Variants in RPH3A observed in about 807,000 individuals in gnomAD.
RPH3A encodes the protein rabphilin 3A, also known as rabphilin-3A.
In RPH3A, 48 loss-of-function variants were observed where a neutral mutation model predicts 102.2. That is an observed-to-expected ratio of 0.47 (90% CI 0.37 to 0.60). RPH3A has a LOEUF of 0.60. Among genes scored for constraint, RPH3A ranks in the 20% least tolerant of loss-of-function variants. The pLI is 0.00. For missense variants in RPH3A, 781 were observed against 910.1 expected (o/e 0.86, Z 1.83); for synonymous variants, 310 against 324.3 (o/e 0.96, Z 0.47).
chr12:112,678,074 G>C (rs1169527060), intron 1 of RPH3A, among the ~76,000 whole-genome samples: 1 of 151,732 alleles, frequency 6.6e-6, no homozygotes, highest in Non-Finnish European at 1.5e-5. Flanking sequence ...GTGCATGCCT[G>C]TAGTCCCAGC....
chr12:112,842,994 T>C (rs1043542531), intron 4 of RPH3A, among the ~76,000 whole-genome samples: 2 of 150,964 alleles, frequency 1.3e-5, no homozygotes, highest in Admixed American at 6.5e-5. Context: ...AGGGCTCAAA[T>C]TGGCACATAG....
intron 1 of RPH3A, among the ~76,000 whole-genome samples, chr12:112,627,144 G>T (rs184081605): frequency 0.016 from 2,313 of 145,356 alleles, 36 homozygotes; most frequent in Non-Finnish European, 0.023. Context: ...CACCAGCATG[G>T]CACATGTATA....
At position 112,678,287 on chromosome 12, in the gene RPH3A, A is replaced by AG. The variant is rs1566255220; in HGVS notation, c.-140+102968_-140+102969insG. Among the ~76,000 whole-genome samples, 18 of 35,640 alleles carry AG rather than the reference A, an allele frequency of 5.1e-4. 2 individuals are homozygous for AG. Among genetic ancestry groups the AG allele is most frequent in the African/African-American group, 2.4e-3 (12 of 5,086 alleles). 23.4% of individuals were successfully genotyped at this position (35,640 alleles called of 152,430 possible). A position where few individuals can be genotyped will look rare whatever the true frequency, so the allele number is the denominator to read the frequency against. ...AAAGAAAGAAAGAAAGAAAGAAAGA[A>AG]AGAAAGAAAGAAAGAAAGAGAGAGA... On this transcript the variant is annotated intron_variant, in intron 1 of 21. Coordinates refer to the RPH3A transcript ENST00000543106.
At chr12:112,658,212 T>C (rs1039378901) in intron 1 of RPH3A, among the ~76,000 whole-genome samples, 3 of 152,220 alleles carry the variant, frequency 2.0e-5, no homozygotes, top group African/African-American at 7.2e-5. Flanking sequence ...AATCTTGCTC[T>C]GTCGTCCTGG....
intron 5 of RPH3A, among the ~76,000 whole-genome samples, chr12:112,858,289 A>AAAAAAAAAAAAAAAAAG (rs1565923760): frequency 6.8e-6 from 1 of 147,362 alleles, no homozygotes; most frequent in African/African-American, 2.6e-5. Context: ...AAAAAAAAAA[A>AAAAAAAAAAAAAAAAAG]AAAAAGAAAA....
intron 1 of RPH3A, among the ~76,000 whole-genome samples, chr12:112,641,430 C>T (rs2039889485): frequency 6.6e-6 from 1 of 152,146 alleles, no homozygotes; most frequent in African/African-American, 2.4e-5. Context: ...GATCTGTCAC[C>T]AGCTCTGTCA....
intron 1 of RPH3A, among the ~76,000 whole-genome samples, chr12:112,784,888 G>A (rs930434569): frequency 1.3e-5 from 2 of 152,238 alleles, no homozygotes; most frequent in African/African-American, 4.8e-5. Flanking sequence ...CTAAGATTGT[G>A]TTTTGGTACT....
chr12:112,585,094 G>A (rs140752975), intron 1 of RPH3A, among the ~76,000 whole-genome samples: 94 of 152,236 alleles, frequency 6.2e-4, no homozygotes, highest in African/African-American at 2.0e-3. Flanking sequence ...TCCGATGTTC[G>A]AAGGCAGGAA....
chr12:112,589,504 G>GCTCTTCC (rs1382149451), intron 1 of RPH3A, among the ~76,000 whole-genome samples: 1 of 152,136 alleles, frequency 6.6e-6, no homozygotes, highest in African/African-American at 2.4e-5. Context: ...AGCCTGGAAT[G>GCTCTTCC]CTCTTCCCTG....
At chr12:112,862,264 G>T (rs2042532303) in intron 5 of RPH3A, among the ~76,000 whole-genome samples, 3 of 152,014 alleles carry the variant, frequency 2.0e-5, no homozygotes, top group South Asian at 2.1e-4. Context: ...AGTTAGCCGG[G>T]CATGGTTGTG....
At chr12:112,668,197 C>T (rs944574735) in intron 1 of RPH3A, among the ~76,000 whole-genome samples, 2 of 152,160 alleles carry the variant, frequency 1.3e-5, no homozygotes, top group African/African-American at 4.8e-5. Flanking sequence ...ACTCACCATT[C>T]ATCCCCTGCA....
At chr12:112,807,311 C>T (rs1162753241) in intron 2 of RPH3A, among the ~76,000 whole-genome samples, 1 of 152,118 alleles carries the variant, frequency 6.6e-6, no homozygotes, top group African/African-American at 2.4e-5. Context: ...GCTGAGCCCT[C>T]CACCCTCCAC....
chr12:112,640,828 G>A (rs1429210611), intron 1 of RPH3A, among the ~76,000 whole-genome samples: 1 of 152,070 alleles, frequency 6.6e-6, no homozygotes, highest in African/African-American at 2.4e-5. Flanking sequence ...CTTCCTCAAC[G>A]CTCTAGATTT....
intron 10 of RPH3A, chr12:112,874,653 A>C (rs1341013094): frequency 6.4e-6 from 1 of 157,094 alleles, no homozygotes; most frequent in Non-Finnish European, 1.4e-5. Flanking sequence ...TTCAATAATA[A>C]TAAAATAATC....
At chr12:112,650,061 T>C (rs1457935473) in intron 1 of RPH3A, among the ~76,000 whole-genome samples, 1 of 152,218 alleles carries the variant, frequency 6.6e-6, no homozygotes, top group African/African-American at 2.4e-5. Context: ...ATCCAGCTTT[T>C]AGCACCACCA....
chr12:112,580,287 CT>C (rs957030962), intron 1 of RPH3A, among the ~76,000 whole-genome samples: 11 of 151,796 alleles, frequency 7.2e-5, no homozygotes, highest in East Asian at 1.9e-4. Flanking sequence ...TCCCCACCCC[CT>C]GTCTTTCCAT....
chr12:112,747,153 A>G (rs1423639995), intron 1 of RPH3A, among the ~76,000 whole-genome samples: 3 of 152,104 alleles, frequency 2.0e-5, no homozygotes, highest in Non-Finnish European at 4.4e-5. Context: ...CCCACCTACC[A>G]TACCACTCCC....
At chr12:112,589,402 T>G (rs1032677273) in intron 1 of RPH3A, among the ~76,000 whole-genome samples, 1 of 152,092 alleles carries the variant, frequency 6.6e-6, no homozygotes, top group Admixed American at 6.5e-5. Flanking sequence ...ACCCTTACTC[T>G]CTCAGTTCCA....
intron 1 of RPH3A, among the ~76,000 whole-genome samples, chr12:112,630,967 T>C (rs36030379): frequency 0.47 from 71,566 of 152,018 alleles, 20,246 homozygotes; most frequent in Non-Finnish European, 0.63. Flanking sequence ...AAGGGTTAGA[T>C]GGGCAGGTGT....
Sources: allele counts gnomAD v4.1 joint callset (sites outside exome capture counted in the v4.1 genomes callset), GRCh38; gene constraint gnomAD v4.1.1; transcripts MANE v1.5; gene names NCBI Gene and HGNC (gene_info 2026-07-23, HGNC 2026-07-21).